The following COL19A1 variants were observed in gnomAD, a reference collection of about 807,000 sequenced individuals.
COL19A1 encodes collagen type XIX alpha 1 chain, also known as collagen alpha-1(XIX) chain.
COL19A1 carries 159 observed loss-of-function variants against 190.2 expected under a neutral mutation model. The ratio of observed to expected loss-of-function variants is 0.84; its 90% CI spans 0.73 to 0.95. The LOEUF (loss-of-function observed/expected upper bound fraction) is 0.95. COL19A1 is among the 40% of genes least tolerant of loss of function. COL19A1 has a pLI of 0.00. For missense variants in COL19A1, 1,418 were observed against 1,431.9 expected (o/e 0.99, Z 0.16); for synonymous variants, 509 against 458.9 (o/e 1.11, Z -1.39).
chr6:70,132,774 C>G (rs1384778684), intron 18 of COL19A1, among the ~76,000 whole-genome samples: 1 of 152,134 alleles, frequency 6.6e-6, no homozygotes, highest in Non-Finnish European at 1.5e-5. Flanking sequence ...CTAAGAACCA[C>G]TGAGTAATAG....
chr6:69,967,939 G>A (rs371319769), intron 11 of COL19A1, among the ~76,000 whole-genome samples: 9 of 97,510 alleles, frequency 9.2e-5, no homozygotes, highest in East Asian at 3.7e-4. Flanking sequence ...TACACGTAGC[G>A]TAAAGTACAC....
rs74746265 is a variant in COL19A1, at chr6:69,980,898, A to T, written c.1026+18028A>T. Among the ~76,000 whole-genome samples, 834 of 152,334 alleles carry T rather than the reference A, an allele frequency of 5.5e-3. 19 individuals carry two copies. The East Asian group carries it at 0.069, about 13-fold the overall frequency. On this transcript the variant is annotated intron_variant, in intron 11 of 50. Coordinates refer to ENST00000620364, the MANE Select transcript of COL19A1 (RefSeq NM_001858.6). ...GCATTCCCATACATTGCTGGTGGTA[A>T]GTGTAGAGCTACAGTCTCTTTTAGA...
chr6:70,117,033 G>A (rs1784619438), intron 16 of COL19A1, among the ~76,000 whole-genome samples: 1 of 152,092 alleles, frequency 6.6e-6, no homozygotes, highest in East Asian at 1.9e-4. Context: ...AGAGGTACAG[G>A]GTACTTTTAG....
chr6:69,998,501 C>A (rs1777057454), intron 11 of COL19A1, among the ~76,000 whole-genome samples: 1 of 151,726 alleles, frequency 6.6e-6, no homozygotes, highest in African/African-American at 2.4e-5. Flanking sequence ...AAAAAACTAA[C>A]CGAGCATGAT....
chr6:69,957,145 C>G (rs1193043592), intron 9 of COL19A1, among the ~76,000 whole-genome samples: 1 of 151,884 alleles, frequency 6.6e-6, no homozygotes, highest in Non-Finnish European at 1.5e-5. Flanking sequence ...ATGTTTCCTG[C>G]ACAATAAGAA....
intron 15 of COL19A1, among the ~76,000 whole-genome samples, chr6:70,088,047 G>GTT (rs1782684796): frequency 6.6e-6 from 1 of 152,140 alleles, no homozygotes; most frequent in African/African-American, 2.4e-5. Context: ...CCCCTAGGCA[G>GTT]TTTAATTCCT....
chr6:69,996,414 A>G (rs1052919752), intron 11 of COL19A1, among the ~76,000 whole-genome samples: 1 of 152,168 alleles, frequency 6.6e-6, no homozygotes, highest in Non-Finnish European at 1.5e-5. Flanking sequence ...TGCCAGAGAC[A>G]TAATCATTTC....
At chr6:69,965,908 A>G (rs1386747715) in intron 11 of COL19A1, among the ~76,000 whole-genome samples, 1 of 152,112 alleles carries the variant, frequency 6.6e-6, no homozygotes, top group Non-Finnish European at 1.5e-5. Flanking sequence ...TGAGAGTTGT[A>G]TTTTGGCTTC....
At chr6:70,195,683 T>G (rs1231669287) in intron 48 of COL19A1, among the ~76,000 whole-genome samples, 1 of 152,216 alleles carries the variant, frequency 6.6e-6, no homozygotes, top group Admixed American at 6.5e-5. Context: ...AGGCTTTCAA[T>G]CAGTGCTCCT....
chr6:70,146,910 T>C (rs752432821), intron 27 of COL19A1, 21 bp downstream of exon 27: 6 of 1,543,720 alleles, frequency 3.9e-6, no homozygotes, highest in African/African-American at 2.8e-5. Flanking sequence ...TTCATTCGAG[T>C]CCTTGTTGAT....
intron 1 of COL19A1, among the ~76,000 whole-genome samples, chr6:69,877,531 A>G (rs1582256156): frequency 1.3e-5 from 2 of 152,350 alleles, no homozygotes; most frequent in South Asian, 4.1e-4. Context: ...CACTTCAGTA[A>G]CAGTGATTAT....
intron 11 of COL19A1, among the ~76,000 whole-genome samples, chr6:69,968,550 A>T (rs181036048): frequency 1.1e-4 from 16 of 152,308 alleles, no homozygotes; most frequent in Admixed American, 1.0e-3. Context: ...TAAAATATTG[A>T]CTTCTAGCAT....
intron 13 of COL19A1, 72 bp from the exon 14 acceptor site, chr6:70,035,832 C>T: frequency 4.0e-6 from 5 of 1,245,652 alleles, no homozygotes; most frequent in South Asian, 2.6e-5. Flanking sequence ...TGCTTCTATC[C>T]ACCTAGAAAT....
At chr6:70,028,807 T>TATC (rs1369664972) in intron 12 of COL19A1, among the ~76,000 whole-genome samples, 3 of 152,136 alleles carry the variant, frequency 2.0e-5, no homozygotes, top group Non-Finnish European at 4.4e-5. Context: ...TTAAAGGGAC[T>TATC]ATCATACAGA....
chr6:70,071,254 T>A (rs1400131597), intron 15 of COL19A1, among the ~76,000 whole-genome samples: 1 of 61,320 alleles, frequency 1.6e-5, no homozygotes, highest in Non-Finnish European at 3.0e-5. Flanking sequence ...TTCTGATCAA[T>A]GAATTCTTTT....
In COL19A1 at chr6:70,149,668, G is replaced by A. The variant is rs1471614586; in HGVS notation, c.1894-36G>A. On this transcript the variant is annotated intron_variant, in intron 27 of 50. Coordinates refer to ENST00000620364, the MANE Select transcript of COL19A1 (RefSeq NM_001858.6). ...CTTGGATAATTTATGGACATTCTTG[G>A]TGGAATTTTAATAATAAAATCTCAT... 9 of 1,609,270 alleles carry A rather than the reference G, an allele frequency of 5.6e-6. No individual in the cohort carries two copies. The Admixed American group carries it at 8.4e-5, about 15-fold the overall frequency.
At chr6:70,025,092 A>G (rs1778655912) in intron 12 of COL19A1, among the ~76,000 whole-genome samples, 1 of 149,462 alleles carries the variant, frequency 6.7e-6, no homozygotes, top group East Asian at 2.0e-4. Context: ...TGGCAGTGGC[A>G]TGATCTCGGC....
chr6:70,018,601 C>T (rs1434314438), intron 11 of COL19A1, among the ~76,000 whole-genome samples: 1 of 151,992 alleles, frequency 6.6e-6, no homozygotes, highest in Non-Finnish European at 1.5e-5. Context: ...ACTTGCATTC[C>T]CCTGAAACAA....
chr6:69,912,872 G>A (rs1333932796), intron 4 of COL19A1, among the ~76,000 whole-genome samples: 1 of 152,180 alleles, frequency 6.6e-6, no homozygotes, highest in Non-Finnish European at 1.5e-5. Context: ...CAGATCGCTT[G>A]AGCCCAGGAG....
Sources: gnomAD v4.1 joint callset for allele counts (sites outside exome capture counted in the v4.1 genomes callset) on GRCh38, gnomAD v4.1.1 for gene constraint, MANE v1.5 for transcripts, NCBI Gene and HGNC (gene_info 2026-07-23, HGNC 2026-07-21) for gene names.